Variants in RTN4 observed in about 807,000 individuals in gnomAD.
RTN4 encodes reticulon-4.
In RTN4, 32 loss-of-function variants were observed where a neutral mutation model predicts 90.4. That is an observed-to-expected ratio of 0.35 (90% CI 0.27 to 0.48). RTN4 has a LOEUF of 0.48. Ranked by LOEUF, RTN4 falls within the 20% of genes least tolerant of loss-of-function variation. The pLI, the probability that RTN4 is intolerant of heterozygous loss-of-function variation, is 0.99. For missense variants in RTN4, 1,706 were observed against 1,430.2 expected, an observed-to-expected ratio of 1.19 and a Z score of -3.11; for synonymous variants, 629 against 552.5, an observed-to-expected ratio of 1.14 and a Z score of -1.94.
chr2:55,083,998 T>C (rs892089317), intron 1 of RTN4, among the ~76,000 whole-genome samples: 1 of 152,238 alleles, frequency 6.6e-6, no homozygotes, highest in Non-Finnish European at 1.5e-5. Flanking sequence ...TGACTCTTCA[T>C]GGGTTTCTGG....
At chr2:54,980,494 T>C (rs558111178) in intron 5 of RTN4, among the ~76,000 whole-genome samples, 1 of 152,354 alleles carries the variant, frequency 6.6e-6, no homozygotes, top group East Asian at 1.9e-4. Context: ...TAAAAATAGA[T>C]TTATTCAAGA....
intron 3 of RTN4, among the ~76,000 whole-genome samples, chr2:54,988,554 C>T (rs1678760553): frequency 6.6e-6 from 1 of 152,012 alleles, no homozygotes; most frequent in African/African-American, 2.4e-5. Flanking sequence ...TAACTCTGCT[C>T]TTAAGATCTG....
intron 5 of RTN4, 110 bp downstream of exon 5, chr2:54,982,405 T>G: frequency 1.1e-6 from 1 of 939,820 alleles, no homozygotes; most frequent in Non-Finnish European, 1.6e-6. Context: ...AGCCATGTGA[T>G]TTAATTAATA....
At chr2:55,134,742 C>A in the RTN4 span, among the ~76,000 whole-genome samples, 1 of 152,048 alleles carries the variant, frequency 6.6e-6, no homozygotes, top group Non-Finnish European at 1.5e-5. Context: ...CCCCTGAGTG[C>A]CCAAGCTTTT....
At chr2:55,124,784 G>A in the RTN4 span, among the ~76,000 whole-genome samples, 1 of 152,184 alleles carries the variant, frequency 6.6e-6, no homozygotes, top group Admixed American at 6.5e-5. Flanking sequence ...GAACAAAGTT[G>A]GAAGTATCAC....
chr2:55,128,333 T>G, the RTN4 span, among the ~76,000 whole-genome samples: 1 of 152,232 alleles, frequency 6.6e-6, no homozygotes, highest in South Asian at 2.1e-4. Context: ...CCTCCTAGGG[T>G]GGAAGACAAC....
chr2:55,115,721 G>C (rs962372947), upstream of RTN4, among the ~76,000 whole-genome samples: 23 of 152,182 alleles, frequency 1.5e-4, no homozygotes, highest in African/African-American at 5.5e-4. Context: ...ATTCTGTCTA[G>C]CTCATCCTTT....
At chr2:54,974,404 G>T (rs762790837) in intron 6 of RTN4, among the ~76,000 whole-genome samples, 1 of 152,040 alleles carries the variant, frequency 6.6e-6, no homozygotes, top group African/African-American at 2.4e-5. Flanking sequence ...CTCAGCCTCC[G>T]GAGTAGCTGG....
chr2:54,995,313 T>C (rs1285520581), intron 3 of RTN4, among the ~76,000 whole-genome samples: 3 of 151,836 alleles, frequency 2.0e-5, no homozygotes, highest in Middle Eastern at 3.2e-3. Flanking sequence ...GTAAGCTATA[T>C]ATACATTTAA....
the RTN4 span, among the ~76,000 whole-genome samples, chr2:55,123,838 T>C: frequency 1.3e-5 from 2 of 152,300 alleles, no homozygotes; most frequent in Non-Finnish European, 2.9e-5. Flanking sequence ...ATAAGGACTC[T>C]GCATTTTCAT....
intron 3 of RTN4, among the ~76,000 whole-genome samples, chr2:54,991,092 A>G (rs1482884624): frequency 6.6e-6 from 1 of 151,994 alleles, no homozygotes; most frequent in Non-Finnish European, 1.5e-5. Flanking sequence ...TCTCAAATCT[A>G]TTTTTCATAT....
At chr2:55,084,774 A>G (rs1668806504) in intron 1 of RTN4, among the ~76,000 whole-genome samples, 1 of 152,112 alleles carries the variant, frequency 6.6e-6, no homozygotes, top group Non-Finnish European at 1.5e-5. Flanking sequence ...CATTTTGGTG[A>G]CCAGAAACAT....
intron 3 of RTN4, among the ~76,000 whole-genome samples, chr2:55,018,667 T>G (rs1425483130): frequency 6.6e-6 from 1 of 151,808 alleles, no homozygotes; most frequent in African/African-American, 2.4e-5. Flanking sequence ...AAATATGAAA[T>G]CAGGAAAGAA....
chr2:55,017,857 T>G (rs1275698122), intron 3 of RTN4, among the ~76,000 whole-genome samples: 1 of 152,178 alleles, frequency 6.6e-6, no homozygotes, highest in Non-Finnish European at 1.5e-5. Context: ...TTACATTGCC[T>G]AATGGTTCAA....
At chr2:55,122,103 TC>T in the RTN4 span, among the ~76,000 whole-genome samples, 1 of 151,962 alleles carries the variant, frequency 6.6e-6, no homozygotes, top group African/African-American at 2.4e-5. Flanking sequence ...ACTCAAGCGA[TC>T]CTCCCACCTC....
intron 1 of RTN4, among the ~76,000 whole-genome samples, chr2:55,084,860 C>T (rs902165619): frequency 2.6e-5 from 4 of 152,030 alleles, no homozygotes; most frequent in Non-Finnish European, 5.9e-5. Context: ...TCACAGCTCA[C>T]TGCAGCCTGA....
chr2:55,093,187 C>T (rs974934776), intron 1 of RTN4, among the ~76,000 whole-genome samples: 1 of 152,080 alleles, frequency 6.6e-6, no homozygotes, highest in Non-Finnish European at 1.5e-5. Context: ...AAATGTCATA[C>T]ACATTAATAT....
intron 2 of RTN4, among the ~76,000 whole-genome samples, chr2:55,077,134 T>C (rs752011936): frequency 1.3e-5 from 2 of 151,846 alleles, no homozygotes; most frequent in Non-Finnish European, 2.9e-5. Context: ...TGCCTCAGCC[T>C]CCCGAGTAGC....
intron 2 of RTN4, among the ~76,000 whole-genome samples, chr2:55,069,150 C>A (rs1047016724): frequency 1.3e-5 from 2 of 152,194 alleles, no homozygotes; most frequent in South Asian, 4.1e-4. Context: ...GGTCTGTGAA[C>A]CACACTTTGA....
Sources: allele counts gnomAD v4.1 joint callset (sites outside exome capture counted in the v4.1 genomes callset), GRCh38; gene constraint gnomAD v4.1.1; transcripts MANE v1.5; gene names NCBI Gene and HGNC (gene_info 2026-07-23, HGNC 2026-07-21).